The following ABHD4 variants were observed in gnomAD, a reference collection of about 807,000 sequenced individuals.
ABHD4 encodes the protein abhydrolase domain containing 4, N-acyl phospholipase B, also known as (Lyso)-N-acylphosphatidylethanolamine lipase.
ABHD4 carries 35 observed loss-of-function variants against 42.3 expected under a neutral mutation model. The ratio of observed to expected loss-of-function variants is 0.83; its 90% confidence interval spans 0.63 to 1.10. ABHD4 has a LOEUF of 1.10. Ranked by LOEUF, ABHD4 falls within the 50% of genes least tolerant of loss-of-function variation. The pLI is 0.00. For synonymous variants in ABHD4, 169 were observed against 170.6 expected, an observed-to-expected ratio of 0.99 and a Z score of 0.07; for missense variants, 389 against 454.8, an observed-to-expected ratio of 0.86 and a Z score of 1.32.
At chr14:22,604,460 C>G (rs7146222) in intron 4 of ABHD4, among the ~76,000 whole-genome samples, 73,985 of 151,936 alleles carry the variant, frequency 0.49, 18,432 homozygotes, top group African/African-American at 0.51. Flanking sequence ...TCGTGTTAAC[C>G]AGGCTGGTCT....
rs752746202 is a variant in ABHD4 at position 22,606,553 on chromosome 14, C to T, written c.752+20C>T. The T allele has an allele frequency of 3.9e-6, 6 of 1,550,872 alleles. No individual in the cohort carries two copies. In the African/African-American group the frequency reaches 4.1e-5, roughly 11 times the overall value. On this transcript the variant is annotated intron_variant, in intron 5 of 6. Coordinates refer to ENST00000428304, the MANE Select transcript of ABHD4 (RefSeq NM_022060.3). ...TCCCAGGTGAGGGCCGCTCCCCAGG[C>T]CAGCTTGGGGCAGACAGTTGTTAGG...
At chr14:22,599,155 A>G (rs1446658463) in intron 1 of ABHD4, among the ~76,000 whole-genome samples, 1 of 152,200 alleles carries the variant, frequency 6.6e-6, no homozygotes, top group African/African-American at 2.4e-5. Flanking sequence ...CCGGGGAACT[A>G]ATTAACTTTA....
chr14:22,603,876 A>G lies in ABHD4; in HGVS notation c.486-49A>G, dbSNP rs932929613. ...CCAGGCGATTTAAGGGGCTATGGCA[A>G]CTACCAGAGAATATAATGTGTCTTC... On this transcript the variant is annotated intron_variant, in intron 3 of 6. Coordinates refer to ENST00000428304, the MANE Select transcript of ABHD4 (RefSeq NM_022060.3). 3.7e-6 allele frequency: 6 copies of G among 1,603,324 alleles called. No individual in the cohort carries two copies. In the African/African-American group the frequency reaches 6.7e-5, roughly 18 times the overall value.
intron 4 of ABHD4, chr14:22,605,930 C>A: frequency 1.1e-6 from 1 of 908,482 alleles, no homozygotes; most frequent in Non-Finnish European, 1.6e-6. Flanking sequence ...GAGTCTGAGA[C>A]ACGATTGTGT....
intron 4 of ABHD4, 57 bp downstream of exon 4, chr14:22,604,136 A>G (rs2037320805): frequency 2.5e-6 from 4 of 1,582,058 alleles, no homozygotes; most frequent in Non-Finnish European, 3.5e-6. Flanking sequence ...GAAGGCCCAC[A>G]GTGTCTTTCC....
At chr14:22,603,313 A>G (rs1702186298) in intron 2 of ABHD4, 77 bp from the exon 3 acceptor site, 19 of 1,565,228 alleles carry the variant, frequency 1.2e-5, no homozygotes, top group Non-Finnish European at 1.5e-5. Flanking sequence ...GAGAATGTGA[A>G]GAGTGGTAGT....
At chr14:22,609,078 AC>A (rs1172990509) in intron 5 of ABHD4, among the ~76,000 whole-genome samples, 1 of 151,242 alleles carries the variant, frequency 6.6e-6, no homozygotes, top group Non-Finnish European at 1.5e-5. Context: ...GCTCACTGCA[AC>A]CTCTGTCTCC....
At chr14:22,600,993 T>C (rs2037278505) in intron 1 of ABHD4, among the ~76,000 whole-genome samples, 1 of 152,130 alleles carries the variant, frequency 6.6e-6, no homozygotes, top group African/African-American at 2.4e-5. Context: ...GGTGAGGACA[T>C]AGGTGAGCTT....
chr14:22,606,634 C>G (rs2037353263), intron 5 of ABHD4, 101 bp downstream of exon 5: 1 of 814,186 alleles, frequency 1.2e-6, no homozygotes, highest in Non-Finnish European at 2.0e-6. Context: ...CAACAAAGCT[C>G]TGACTCAGTT....
intron 1 of ABHD4, 46 bp downstream of exon 1, chr14:22,598,375 G>A: frequency 1.3e-6 from 2 of 1,551,528 alleles, no homozygotes; most frequent in African/African-American, 1.4e-5. Flanking sequence ...CTCTCTCTGG[G>A]CCATGATCCT....
Position 22,605,964 on chromosome 14 carries a change from T to C in ABHD4, c.641-458T>C, listed in dbSNP as rs1056653942. On this transcript the variant is annotated intron_variant, in intron 4 of 6. Coordinates refer to ENST00000428304, the MANE Select transcript of ABHD4 (RefSeq NM_022060.3). ...GTTTAGTTCACCTCTCCACATATTC[T>C]AATACAGGCCTGAAAATGAGAGCGC... is the stretch of plus-strand genomic sequence containing the variant. The C allele has an allele frequency of 1.1e-5, 7 of 622,822 alleles. No individual in the cohort carries two copies. In the African/African-American group the frequency reaches 1.3e-4, roughly 12 times the overall value. 38.6% of individuals were successfully genotyped at this position (622,822 alleles called of 1,614,324 possible).
At chr14:22,598,527 A>C in intron 1 of ABHD4, 198 bp downstream of exon 1, 3 of 1,485,164 alleles carry the variant, frequency 2.0e-6, no homozygotes, top group Non-Finnish European at 2.7e-6. Context: ...CTGGGGAGCC[A>C]TGGGAGACGC....
intron 1 of ABHD4, among the ~76,000 whole-genome samples, chr14:22,599,537 G>C (rs569771198): frequency 1.3e-5 from 2 of 152,264 alleles, no homozygotes; most frequent in South Asian, 2.1e-4. Flanking sequence ...GCATAGTTTT[G>C]AGCACATACA....
chr14:22,601,471 G>A (rs571251867), intron 1 of ABHD4, among the ~76,000 whole-genome samples, 196 bp from the exon 2 acceptor site: 3 of 152,316 alleles, frequency 2.0e-5, no homozygotes, highest in African/African-American at 7.2e-5. Flanking sequence ...CAAGGGGCAT[G>A]TTGTTAATAC....
intron 5 of ABHD4, among the ~76,000 whole-genome samples, chr14:22,609,178 A>G (rs893214233): frequency 1.0e-4 from 15 of 149,868 alleles, no homozygotes; most frequent in African/African-American, 3.5e-4. Flanking sequence ...TTGTATTTTT[A>G]GTAGAGACAG....
Position 22,609,778 on chromosome 14 carries a change from T to C in ABHD4, c.807T>C (p.Pro269=). Residue 269 remains proline (P), a synonymous_variant, in exon 6 of 7, where the codon CCT becomes CCC. Transcript: ENST00000428304. ...AGTCCTTTGGCTGGGCCCGGCGCCC[T>C]ATGCTGGAGCGAATTCACTTGATTC... ...MMESFGWARR[P]MLERIHLIRK... 6.2e-7 allele frequency: 1 copy of C among 1,614,182 alleles called. No homozygotes were observed. Among genetic ancestry groups the C allele is most frequent in the African/African-American group, 1.3e-5 (1 of 75,042 alleles).
intron 4 of ABHD4, 35 bp from the exon 5 acceptor site, chr14:22,606,387 A>G (rs780463785): frequency 2.7e-6 from 4 of 1,499,416 alleles, no homozygotes; most frequent in South Asian, 1.2e-5. Context: ...CCACCTCCCA[A>G]ATTGGCCTGT....
chr14:22,600,816 C>A (rs2037273587), intron 1 of ABHD4, among the ~76,000 whole-genome samples: 1 of 147,088 alleles, frequency 6.8e-6, no homozygotes, highest in Admixed American at 6.9e-5. Flanking sequence ...CACTATGATT[C>A]ACGTCCAGCA....
intron 4 of ABHD4, among the ~76,000 whole-genome samples, chr14:22,605,469 A>G (rs1365972880): frequency 6.6e-6 from 1 of 152,216 alleles, no homozygotes; most frequent in Non-Finnish European, 1.5e-5. Context: ...TGATTAGAAG[A>G]TAGGAGTTTA....
Sources: allele counts gnomAD v4.1 joint callset (sites outside exome capture counted in the v4.1 genomes callset), GRCh38; gene constraint gnomAD v4.1.1; transcripts MANE v1.5; gene names NCBI Gene and HGNC (gene_info 2026-07-23, HGNC 2026-07-21).